Variants in APCDD1L observed in about 807,000 individuals in gnomAD.
APCDD1L encodes APC down-regulated 1 like.
In APCDD1L, 21 loss-of-function variants were observed where a neutral mutation model predicts 24.2. The observed-to-expected ratio is 0.87, with a 90% CI of 0.61 to 1.25. The LOEUF (loss-of-function observed/expected upper bound fraction) is 1.25, where lower values mean the gene tolerates loss of function less well. Among genes scored for constraint, APCDD1L ranks in the 50% most tolerant of loss-of-function variants. The pLI is 0.00. For missense variants in APCDD1L, 704 were observed against 711.7 expected, an observed-to-expected ratio of 0.99 and a Z score of 0.12; for synonymous variants, 321 against 323.6, an observed-to-expected ratio of 0.99 and a Z score of 0.09.
At chr20:58,514,637 G>T in intron 1 of APCDD1L, 22 bp downstream of exon 1, 1 of 1,312,880 alleles carries the variant, frequency 7.6e-7, no homozygotes, top group Non-Finnish European at 9.8e-7. Flanking sequence ...CAGTTTGCCG[G>T]GTGGGGGAGG....
At chr20:58,511,486 C>T (rs1411735731) in intron 1 of APCDD1L, among the ~76,000 whole-genome samples, 1 of 152,212 alleles carries the variant, frequency 6.6e-6, no homozygotes, top group Admixed American at 6.5e-5. Flanking sequence ...TAGCTTCTAA[C>T]TGCTTTGCCA....
At chr20:58,463,786 CAA>C (rs1463397337) in intron 3 of APCDD1L, among the ~76,000 whole-genome samples, 1 of 150,842 alleles carries the variant, frequency 6.6e-6, no homozygotes, top group Non-Finnish European at 1.5e-5. Context: ...GCAAAAATCC[CAA>C]AAGACTTCCA....
At position 58,467,099 on chromosome 20, in the gene APCDD1L, C is replaced by G. The variant is rs201189566; in HGVS notation, c.741+7G>C. On this transcript the variant is annotated splice_region_variant and intron_variant, in intron 3 of 3. Coordinates refer to ENST00000371149, the MANE Select transcript of APCDD1L (RefSeq NM_153360.3). The surrounding 1 kb of genome is among the most constrained non-coding windows in gnomAD (Gnocchi z 5.9). ...CCCCTCTCCCACACCCCAACACACA[C>G]ACTCACCAGTGCGCTCTGCAGCGGG... The G allele has an allele frequency of 6.3e-7, 1 of 1,596,968 alleles. No individual in the cohort carries two copies. The highest frequency in any genetic ancestry group is 1.1e-5 in the South Asian group (1 of 90,350).
chr20:58,502,443 C>G (rs939127988), intron 1 of APCDD1L, among the ~76,000 whole-genome samples: 4 of 152,212 alleles, frequency 2.6e-5, no homozygotes, highest in African/African-American at 9.6e-5. Flanking sequence ...TACCTCTGCC[C>G]CATACCACCA....
In APCDD1L at chr20:58,508,706, T is replaced by C. The variant is rs1200219061; in HGVS notation, c.49+5953A>G. On this transcript the variant is annotated intron_variant, in intron 1 of 3. Transcript: ENST00000371149. The surrounding 1 kb of genome is among the most constrained non-coding windows in gnomAD (Gnocchi z 4.0). ...GTTGGGTATATGAGCGATTACTGAG[T>C]ACCTACTATGTGCCAGGCACTGTTC... Among the ~76,000 whole-genome samples the C allele has an allele frequency of 1.3e-5, 2 of 152,122 alleles. No individual in the cohort carries two copies. Among genetic ancestry groups the C allele is most frequent in the African/African-American group, 4.8e-5 (2 of 41,414 alleles).
At chr20:58,471,050 T>C (rs1437384792) in intron 1 of APCDD1L, among the ~76,000 whole-genome samples, 2 of 152,166 alleles carry the variant, frequency 1.3e-5, no homozygotes, top group Non-Finnish European at 2.9e-5. Context: ...CTGAGAATTG[T>C]ACACGTGGAG....
intron 3 of APCDD1L, among the ~76,000 whole-genome samples, chr20:58,463,833 G>A (rs1162584605): frequency 1.4e-5 from 2 of 139,146 alleles, no homozygotes; most frequent in Non-Finnish European, 3.1e-5. Context: ...TGCCAGACGA[G>A]TGGCACTTAG....
Position 58,461,762 on chromosome 20 carries a change from G to A in APCDD1L, c.742-208C>T. Reference sequence around the variant, plus strand: ...GCCTCCTTGATGGAGGTCAGCCCCTGTATCCCCCGGGCCTTGGGTCTCCTG... The same window carrying A: ...GCCTCCTTGATGGAGGTCAGCCCCTATATCCCCCGGGCCTTGGGTCTCCTG... On this transcript the variant is annotated intron_variant, in intron 3 of 3. Coordinates refer to ENST00000371149, the MANE Select transcript of APCDD1L (RefSeq NM_153360.3). The surrounding 1 kb of genome is among the most constrained non-coding windows in gnomAD (Gnocchi z 6.0). The A allele has an allele frequency of 2.3e-6, 1 of 441,138 alleles. No individual in the cohort carries two copies. The highest frequency in any genetic ancestry group is 3.8e-6 in the Non-Finnish European group (1 of 262,758). The allele number at this position is 441,138 out of a possible 1,614,324, so 27.3% of individuals were successfully genotyped here.
intron 1 of APCDD1L, among the ~76,000 whole-genome samples, chr20:58,499,049 G>A (rs1297115018): frequency 6.6e-6 from 1 of 152,222 alleles, no homozygotes; most frequent in African/African-American, 2.4e-5. Flanking sequence ...AGTCACCGCA[G>A]TGAGGTGGAA....
chr20:58,461,032 CG>C lies in APCDD1L; in HGVS notation c.1263del (p.Gln423LysfsTer61). The C allele has an allele frequency of 6.2e-7, 1 of 1,614,082 alleles. No homozygotes were observed. Among genetic ancestry groups the C allele is most frequent in the Non-Finnish European group, 8.5e-7 (1 of 1,179,996 alleles). ...TGTCCGATGAAGAGCAGGCTTTGCC[CG>C]AGGGGGTCTTGTTCCATCTTGAAAA... ...YELFKMEQDP[L>X]GQSLLFIGQR... On this transcript the variant is annotated frameshift_variant, in exon 4 of 4. Coordinates refer to ENST00000371149, the MANE Select transcript of APCDD1L (RefSeq NM_153360.3). LOFTEE classifies it low-confidence loss of function (END_TRUNC). The surrounding 1 kb of genome is among the most constrained non-coding windows in gnomAD (Gnocchi z 6.0).
rs147261871 is a variant in APCDD1L at position 58,508,937 on chromosome 20, AGTGT to A, written c.49+5718_49+5721del. Among the ~76,000 whole-genome samples, 83 of 148,378 alleles carry A rather than the reference AGTGT, an allele frequency of 5.6e-4. 1 individual carries two copies. The East Asian group carries it at 0.013, about 23-fold the overall frequency. ...GCGTGAGTGTGCATGAGTGTGCGTGAGTGTGTGTGAGTGTGCATGTGTGTCTGTG... is the reference window on the plus strand; with the variant it reads ...GCGTGAGTGTGCATGAGTGTGCGTGAGTGTGAGTGTGCATGTGTGTCTGTG... On this transcript the variant is annotated intron_variant, in intron 1 of 3. Coordinates refer to ENST00000371149, the MANE Select transcript of APCDD1L (RefSeq NM_153360.3). This position sits in a 1 kb window ranked among gnomAD's most constrained non-coding sequence, Gnocchi z 4.0.
At chr20:58,483,719 T>A in intron 1 of APCDD1L, among the ~76,000 whole-genome samples, 1 of 152,196 alleles carries the variant, frequency 6.6e-6, no homozygotes, top group South Asian at 2.1e-4. Flanking sequence ...TTAAGGATGA[T>A]GTCGTGCACA....
intron 1 of APCDD1L, among the ~76,000 whole-genome samples, chr20:58,486,646 G>A (rs1476958069): frequency 6.6e-6 from 1 of 152,074 alleles, no homozygotes; most frequent in East Asian, 1.9e-4. Context: ...AAAATCCAAA[G>A]AAATAAACAC....
chr20:58,492,132 T>C (rs985129097), intron 1 of APCDD1L, among the ~76,000 whole-genome samples: 1 of 152,184 alleles, frequency 6.6e-6, no homozygotes, highest in Non-Finnish European at 1.5e-5. Context: ...TAGAAGAATA[T>C]CTTATGACCG....
At chr20:58,502,525 C>G (rs1259902231) in intron 1 of APCDD1L, among the ~76,000 whole-genome samples, 1 of 152,188 alleles carries the variant, frequency 6.6e-6, no homozygotes, top group Non-Finnish European at 1.5e-5. Flanking sequence ...GGGTGTAGAA[C>G]AGTGCCAGGC....
At chr20:58,495,066 C>T (rs1990295429) in intron 1 of APCDD1L, among the ~76,000 whole-genome samples, 1 of 152,146 alleles carries the variant, frequency 6.6e-6, no homozygotes, top group Non-Finnish European at 1.5e-5. Flanking sequence ...GGACACTGGC[C>T]CCAACTGGTG....
At chr20:58,481,793 C>T (rs1190617021) in intron 1 of APCDD1L, among the ~76,000 whole-genome samples, 1 of 152,186 alleles carries the variant, frequency 6.6e-6, no homozygotes, top group African/African-American at 2.4e-5. Flanking sequence ...CCAGTCCTTG[C>T]GGAAGAAGGA....
At position 58,494,510 on chromosome 20, in the gene APCDD1L, T is replaced by TA. The variant is rs1452084700; in HGVS notation, c.49+20148_49+20149insT. ...ACTGCCACACTCAGCTAATTTTTAA[T>TA]TTTTTTTTTGGTAGAGATGGGGTCT... On this transcript the variant is annotated intron_variant, in intron 1 of 3. Transcript: ENST00000371149. The surrounding 1 kb of genome is among the most constrained non-coding windows in gnomAD (Gnocchi z 4.8). 1.1e-4 allele frequency among the ~76,000 whole-genome samples: 1 copy of TA among 8,970 alleles called. No homozygotes were observed. The highest frequency in any genetic ancestry group is 5.0e-4 in the African/African-American group (1 of 2,006). The allele number at this position is 8,970 out of a possible 152,430, so 5.9% of individuals were successfully genotyped here.
chr20:58,477,299 C>T (rs1024545086), intron 1 of APCDD1L, among the ~76,000 whole-genome samples: 1 of 152,198 alleles, frequency 6.6e-6, no homozygotes, highest in African/African-American at 2.4e-5. Context: ...TTGTATTGAG[C>T]TGTCATGTCT....
Sources: gnomAD v4.1 joint callset for allele counts (sites outside exome capture counted in the v4.1 genomes callset) on GRCh38, gnomAD v4.1.1 for gene constraint, Gnocchi (gnomAD v3.1) non-coding constraint, MANE v1.5 for transcripts, NCBI Gene and HGNC (gene_info 2026-07-23, HGNC 2026-07-21) for gene names.